POPDC1: variants seen among roughly 807,000 people sequenced by gnomAD.
POPDC1 encodes the protein popeye domain-containing protein 1.
chr6:105,110,146 A>G, the POPDC1 span, among the ~76,000 whole-genome samples: 2 of 152,172 alleles, frequency 1.3e-5, no homozygotes, highest in African/African-American at 4.8e-5. Flanking sequence ...CCTAAGCCTA[A>G]AAATGGAAAA....
At chr6:105,109,055 G>A in the POPDC1 span, among the ~76,000 whole-genome samples, 4 of 152,054 alleles carry the variant, frequency 2.6e-5, no homozygotes, top group Admixed American at 2.0e-4. Context: ...CAACCTCCTC[G>A]GGCTCAGGTG....
chr6:105,101,159 CCTT>C, the POPDC1 span: 1 of 1,613,554 alleles, frequency 6.2e-7, no homozygotes, highest in Non-Finnish European at 8.5e-7. Flanking sequence ...ATCTTCTGCT[CCTT>C]CTTCTATCGG....
the POPDC1 span, among the ~76,000 whole-genome samples, chr6:105,111,631 T>C: frequency 6.6e-6 from 1 of 152,346 alleles, no homozygotes; most frequent in South Asian, 2.1e-4. Context: ...AGAGAATGAC[T>C]TTTTCTCAGG....
chr6:105,117,000 G>A, the POPDC1 span: 2 of 910,346 alleles, frequency 2.2e-6, no homozygotes, highest in African/African-American at 1.7e-5. Context: ...ATAAAAAAAA[G>A]GAGACTCAAT....
chr6:105,124,205 A>G, the POPDC1 span, among the ~76,000 whole-genome samples: 1 of 151,846 alleles, frequency 6.6e-6, no homozygotes, highest in South Asian at 2.1e-4. Flanking sequence ...ACATGGTGAA[A>G]CCCCGTTGCT....
At chr6:105,130,997 A>C in the POPDC1 span, among the ~76,000 whole-genome samples, 1 of 152,186 alleles carries the variant, frequency 6.6e-6, no homozygotes, top group Non-Finnish European at 1.5e-5. Flanking sequence ...ATCTCTGAGA[A>C]TCTTCCTGTG....
At chr6:105,115,975 T>C in the POPDC1 span, 1 of 574,260 alleles carries the variant, frequency 1.7e-6, no homozygotes. Context: ...AAACATAAGC[T>C]ATGATTTTTA....
chr6:105,117,155 C>G, the POPDC1 span, among the ~76,000 whole-genome samples: 1 of 152,174 alleles, frequency 6.6e-6, no homozygotes, highest in Non-Finnish European at 1.5e-5. Context: ...GATACCGCTG[C>G]TGGAGCATGT....
the POPDC1 span, among the ~76,000 whole-genome samples, chr6:105,111,996 G>C: frequency 5.3e-5 from 8 of 152,108 alleles, no homozygotes; most frequent in Admixed American, 5.2e-4. Flanking sequence ...CACCACCATG[G>C]GGATGAACTC....
At chr6:105,135,129 C>T in the POPDC1 span, among the ~76,000 whole-genome samples, 1 of 152,160 alleles carries the variant, frequency 6.6e-6, no homozygotes, top group Non-Finnish European at 1.5e-5. Flanking sequence ...ACCTACACTC[C>T]CATTGTCCTG....
the POPDC1 span, among the ~76,000 whole-genome samples, chr6:105,130,833 C>T: frequency 2.6e-5 from 4 of 152,062 alleles, no homozygotes; most frequent in South Asian, 2.1e-4. Flanking sequence ...TTTCGTTATA[C>T]GATGCATAAC....
the POPDC1 span, among the ~76,000 whole-genome samples, chr6:105,120,457 G>C: frequency 6.6e-6 from 1 of 152,140 alleles, no homozygotes; most frequent in Non-Finnish European, 1.5e-5. Context: ...ATCTTATAAA[G>C]CAATATAAGA....
chr6:105,115,961 C>A, the POPDC1 span: 2 of 688,412 alleles, frequency 2.9e-6, no homozygotes, highest in Non-Finnish European at 4.4e-6. Context: ...ATTAGGTGGC[C>A]AATAAACATA....
At chr6:105,114,891 C>T in the POPDC1 span, among the ~76,000 whole-genome samples, 1 of 152,212 alleles carries the variant, frequency 6.6e-6, no homozygotes, top group South Asian at 2.1e-4. Flanking sequence ...TTTTAACTCA[C>T]GGCACTCATA....
At chr6:105,097,027 A>G in the POPDC1 span, 145 of 152,790 alleles carry the variant, frequency 9.5e-4, no homozygotes, top group African/African-American at 3.4e-3. Flanking sequence ...GGTTGCAAGT[A>G]TAACAGAAAA....
the POPDC1 span, chr6:105,098,419 T>C: frequency 5.3e-5 from 8 of 152,220 alleles, no homozygotes; most frequent in Middle Eastern, 3.2e-3. Flanking sequence ...AATCTTCACA[T>C]TGAGACACTG....
At chr6:105,099,578 T>G in the POPDC1 span, 1 of 152,196 alleles carries the variant, frequency 6.6e-6, no homozygotes, top group Non-Finnish European at 1.5e-5. Flanking sequence ...CCAGACACAC[T>G]GACCAGTTAC....
the POPDC1 span, chr6:105,133,377 TATC>T: frequency 1.2e-6 from 2 of 1,613,376 alleles, no homozygotes; most frequent in East Asian, 2.2e-5. Flanking sequence ...CCCTAAGAAA[TATC>T]ATATGAAGGT....
the POPDC1 span, chr6:105,115,709 C>T: frequency 6.2e-7 from 1 of 1,614,090 alleles, no homozygotes; most frequent in Admixed American, 1.7e-5. Context: ...GCTGGAGGTA[C>T]CCCGAAGAAA....
Sources: gnomAD v4.1 joint callset for allele counts (sites outside exome capture counted in the v4.1 genomes callset) on GRCh38, gnomAD v4.1.1 for gene constraint, MANE v1.5 for transcripts, NCBI Gene and HGNC (gene_info 2026-07-23, HGNC 2026-07-21) for gene names.